Variants in ZNF589 observed in about 807,000 individuals in gnomAD.
The protein encoded by ZNF589 is zinc finger protein 589.
In ZNF589, 17 loss-of-function variants were observed where a neutral mutation model predicts 13.6. The observed-to-expected ratio is 1.25, with a 90% CI of 0.86 to 1.88. The LOEUF is 1.88. Ranked by LOEUF, ZNF589 falls within the 40% of genes most tolerant of loss-of-function variation. The probability of loss-of-function intolerance (pLI) is 0.00; values close to 1 mark genes in which losing one functional copy is unlikely to be tolerated. For synonymous variants in ZNF589, 148 were observed against 161.6 expected, an observed-to-expected ratio of 0.92 and a Z score of 0.64; for missense variants, 407 against 434.0, an observed-to-expected ratio of 0.94 and a Z score of 0.55.
At position 48,250,715 on chromosome 3, in the gene ZNF589, G is replaced by A. The variant is rs186032928; in HGVS notation, c.96+3038G>A. Among the ~76,000 whole-genome samples, 136 of 150,328 alleles carry A rather than the reference G, an allele frequency of 9.0e-4. 1 individual carries two copies. Among genetic ancestry groups the A allele is most frequent in the East Asian group, 5.9e-3 (30 of 5,056 alleles). ...TCGAACTCCTGACCTCAGGTGATCC[G>A]CCCTCCTCGGCCTCCCGAAGTGCTG... On this transcript the variant is annotated intron_variant, in intron 2 of 3. Coordinates refer to ENST00000354698, the MANE Select transcript of ZNF589 (RefSeq NM_016089.3).
chr3:48,242,672 T>TA (rs778842366), intron 1 of ZNF589, among the ~76,000 whole-genome samples: 3 of 152,208 alleles, frequency 2.0e-5, no homozygotes, highest in Non-Finnish European at 4.4e-5. Context: ...CGGTCTTTGT[T>TA]ACGACTAGTG....
At chr3:48,262,325 G>C (rs2033976748) in intron 3 of ZNF589, among the ~76,000 whole-genome samples, 1 of 152,068 alleles carries the variant, frequency 6.6e-6, no homozygotes, top group Non-Finnish European at 1.5e-5. Context: ...GAGTAGCTGG[G>C]ATTACAGGCG....
intron 2 of ZNF589, chr3:48,257,130 T>G: frequency 2.4e-6 from 1 of 413,716 alleles, no homozygotes; most frequent in Non-Finnish European, 4.8e-6. Flanking sequence ...TTCTAATGTC[T>G]TTATCTAGAT....
intron 2 of ZNF589, among the ~76,000 whole-genome samples, chr3:48,251,420 C>T (rs898841691): frequency 1.5e-4 from 22 of 146,300 alleles, no homozygotes; most frequent in Non-Finnish European, 3.0e-5. Flanking sequence ...ATTAGCTGGG[C>T]GTGGCGATGC....
chr3:48,255,020 A>AC (rs1206409820), intron 2 of ZNF589, among the ~76,000 whole-genome samples: 1 of 152,048 alleles, frequency 6.6e-6, no homozygotes, highest in Non-Finnish European at 1.5e-5. Context: ...GTTGAACAGG[A>AC]GTGGTGAGAG....
At chr3:48,242,761 T>G (rs1045437048) in intron 1 of ZNF589, among the ~76,000 whole-genome samples, 2 of 152,040 alleles carry the variant, frequency 1.3e-5, no homozygotes, top group African/African-American at 4.8e-5. Context: ...ACTTTCTTTA[T>G]AGACATTGAA....
intron 3 of ZNF589, among the ~76,000 whole-genome samples, chr3:48,262,720 G>T (rs2033980456): frequency 6.6e-6 from 1 of 151,578 alleles, no homozygotes; most frequent in African/African-American, 2.4e-5. Context: ...TTTCTTCCCT[G>T]TAGCCCACGG....
intron 2 of ZNF589, among the ~76,000 whole-genome samples, chr3:48,253,055 C>G (rs1486187130): frequency 6.6e-6 from 1 of 150,946 alleles, no homozygotes; most frequent in Non-Finnish European, 1.5e-5. Flanking sequence ...TTTTTTGAGA[C>G]AGAAGATCCC....
At chr3:48,250,054 G>A (rs1419290031) in intron 2 of ZNF589, among the ~76,000 whole-genome samples, 1 of 151,926 alleles carries the variant, frequency 6.6e-6, no homozygotes, top group Non-Finnish European at 1.5e-5. Flanking sequence ...CTTGAGCTTG[G>A]GAGGTGGAGG....
Position 48,268,048 on chromosome 3 carries a change from A to T in ZNF589, c.357A>T (p.Gly119=), listed in dbSNP as rs2034038571. The T allele has an allele frequency of 6.2e-7, 1 of 1,614,110 alleles. No individual in the cohort carries two copies. Among genetic ancestry groups the T allele is most frequent in the Admixed American group, 1.7e-5 (1 of 60,010 alleles). ...GFHAGNQLHP[G]NPCPEDQPQS... ...ATGCAGGAAATCAACTCCACCCAGG[A>T]AATCCCTGCCCAGAGGATCAGCCAC... Residue 119 remains glycine (G), a synonymous_variant, in exon 4 of 4, where the codon GGA becomes GGT. Coordinates refer to ENST00000354698, the MANE Select transcript of ZNF589 (RefSeq NM_016089.3).
intron 2 of ZNF589, among the ~76,000 whole-genome samples, chr3:48,252,442 C>T (rs1384806589): frequency 2.6e-5 from 4 of 151,602 alleles, no homozygotes; most frequent in African/African-American, 4.8e-5. Context: ...CCACCCGCCT[C>T]GGCCTCCCAA....
At chr3:48,264,555 G>A (rs1012701369) in intron 3 of ZNF589, among the ~76,000 whole-genome samples, 2 of 151,268 alleles carry the variant, frequency 1.3e-5, no homozygotes, top group African/African-American at 2.4e-5. Context: ...AAGGCCGGGC[G>A]CGGTGGCTCA....
rs558653925 is a variant in ZNF589 at position 48,243,682 on chromosome 3, G to A, written c.43+2468G>A. On this transcript the variant is annotated intron_variant, in intron 1 of 3. Transcript: ENST00000354698. The stretch of plus-strand genomic sequence containing the variant: ...CAAAAATAGCTGGGCTTGGTGGTGC[G>A]CGCTTGTAATCCCAGCTACTCAGAA... Among the ~76,000 whole-genome samples, 32 of 151,814 alleles carry A rather than the reference G, an allele frequency of 2.1e-4. 1 individual carries two copies. The highest frequency in any genetic ancestry group is 1.4e-3 in the Admixed American group (21 of 15,240).
chr3:48,266,357 A>G (rs1359465443), intron 3 of ZNF589, among the ~76,000 whole-genome samples: 1 of 152,176 alleles, frequency 6.6e-6, no homozygotes, highest in Admixed American at 6.5e-5. Context: ...ACCCAGCCCA[A>G]CTGCTCCAAC....
chr3:48,256,663 G>T (rs1407474611), intron 2 of ZNF589: 24 of 1,260,114 alleles, frequency 1.9e-5, no homozygotes, highest in Non-Finnish European at 2.8e-5. Context: ...GGGGCTGGAT[G>T]AACTGGCTAA....
rs2033963330 is a variant in ZNF589, at chr3:48,260,840, G to A, written c.124G>A (p.Val42Met). 6.2e-7 allele frequency: 1 copy of A among 1,614,218 alleles called. No individual in the cohort carries two copies. Among genetic ancestry groups the A allele is most frequent in the Non-Finnish European group, 8.5e-7 (1 of 1,180,038 alleles). Reference sequence around the variant, plus strand: ...ACCAGTGACTTTCGAGGATGTGGCTGTGCTTTTCACTGAGGCAGAGTGGAA... The same window carrying A: ...ACCAGTGACTTTCGAGGATGTGGCTATGCTTTTCACTGAGGCAGAGTGGAA... ...LGPVTFEDVAVLFTEAEWKRL... is the reference protein window; with the variant it reads ...LGPVTFEDVAMLFTEAEWKRL... The change falls in exon 3 of 4, where the codon GTG becomes ATG. Residue 42 changes from valine to methionine, a missense_variant. Transcript: ENST00000354698.
chr3:48,252,693 C>G (rs892088677), intron 2 of ZNF589, among the ~76,000 whole-genome samples: 8 of 140,770 alleles, frequency 5.7e-5, no homozygotes, highest in Non-Finnish European at 9.0e-5. Flanking sequence ...AGGATCTCGG[C>G]TCACTGCAGG....
In ZNF589 at chr3:48,270,527, G is replaced by A; in HGVS notation, c.*1741G>A. 2.9e-6 allele frequency: 1 copy of A among 340,878 alleles called. No individual in the cohort carries two copies. Among genetic ancestry groups the A allele is most frequent in the South Asian group, 2.4e-5 (1 of 41,944 alleles). 21.1% of individuals were successfully genotyped at this position (340,878 alleles called of 1,614,324 possible). On this transcript the variant is annotated 3_prime_UTR_variant, in exon 4 of 4. Coordinates refer to ENST00000354698, the MANE Select transcript of ZNF589 (RefSeq NM_016089.3). ...CATTTGTCTCTCCTCACACTCCAGG[G>A]CCCATATGGCCCAGGTTCTGACAGT...
chr3:48,241,240 C>T (rs767481977), intron 1 of ZNF589, 26 bp downstream of exon 1: 3 of 1,607,972 alleles, frequency 1.9e-6, no homozygotes, highest in South Asian at 1.1e-5. Context: ...GAGATCGCCT[C>T]CCCCATTCGG....
Sources: allele counts gnomAD v4.1 joint callset (sites outside exome capture counted in the v4.1 genomes callset), GRCh38; gene constraint gnomAD v4.1.1; transcripts MANE v1.5; gene names NCBI Gene and HGNC (gene_info 2026-07-23, HGNC 2026-07-21).